Variants in TMEM132C observed in about 807,000 individuals in gnomAD.
The protein encoded by TMEM132C is protein phosphatase 1, regulatory subunit 152.
Under a neutral mutation model 61.4 loss-of-function variants are expected in TMEM132C, and 29 were observed. That is an observed-to-expected ratio of 0.47 (90% CI 0.35 to 0.64). TMEM132C has a LOEUF of 0.64. TMEM132C is among the 30% of genes least tolerant of loss of function. The pLI, the probability that TMEM132C is intolerant of heterozygous loss-of-function variation, is 0.00. For synonymous variants in TMEM132C, 656 were observed against 633.1 expected (o/e 1.04, Z -0.54); for missense variants, 1,408 against 1,476.9 (o/e 0.95, Z 0.76).
chr12:128,550,306 C>CT (rs542256385), intron 3 of TMEM132C, among the ~76,000 whole-genome samples: 3,477 of 142,950 alleles, frequency 0.024, 128 homozygotes, highest in African/African-American at 0.079. Context: ...GGTGTCTTGT[C>CT]TTTTTTTTTT....
intron 3 of TMEM132C, 93 bp downstream of exon 3, chr12:128,544,196 C>T (rs1180754284): frequency 8.5e-6 from 12 of 1,418,940 alleles, no homozygotes; most frequent in Middle Eastern, 5.1e-4. Flanking sequence ...CTCGCGTGAG[C>T]GGCTGCTCAG....
At chr12:128,317,406 G>A (rs1213165649) in intron 1 of TMEM132C, among the ~76,000 whole-genome samples, 2 of 152,224 alleles carry the variant, frequency 1.3e-5, no homozygotes, top group Non-Finnish European at 2.9e-5. Flanking sequence ...TCAAATACCA[G>A]ATGATGAAAC....
chr12:128,641,795 T>C (rs1354452933), intron 4 of TMEM132C, among the ~76,000 whole-genome samples: 1 of 152,184 alleles, frequency 6.6e-6, no homozygotes, highest in Non-Finnish European at 1.5e-5. Flanking sequence ...GTTTTTATTT[T>C]TTAAGTTTTT....
At chr12:128,445,168 T>A (rs1020314121) in intron 2 of TMEM132C, among the ~76,000 whole-genome samples, 1 of 149,274 alleles carries the variant, frequency 6.7e-6, no homozygotes, top group Non-Finnish European at 1.5e-5. Context: ...ACTTTTTTTC[T>A]TTTGCATAGA....
chr12:128,607,053 A>G (rs1257290474), intron 3 of TMEM132C, among the ~76,000 whole-genome samples: 1 of 152,160 alleles, frequency 6.6e-6, no homozygotes, highest in Non-Finnish European at 1.5e-5. Flanking sequence ...AGAAAAGGCC[A>G]GAAGTAGAAG....
intron 3 of TMEM132C, among the ~76,000 whole-genome samples, chr12:128,600,572 AC>A (rs1277779222): frequency 6.6e-6 from 1 of 152,158 alleles, no homozygotes; most frequent in African/African-American, 2.4e-5. Context: ...CTTGGGAAAC[AC>A]CTTTGCAGCT....
In TMEM132C at chr12:128,305,043, G is replaced by A. The variant is rs1871722152; in HGVS notation, c.85+37556G>A. ...CCTGTTGGGGAGAGATAGAAAATGGGGCTACTCTCATCCCTTCTTTCCATC... is the reference window on the plus strand; with the variant it reads ...CCTGTTGGGGAGAGATAGAAAATGGAGCTACTCTCATCCCTTCTTTCCATC... On this transcript the variant is annotated intron_variant, in intron 1 of 8. Transcript: ENST00000435159. Among the ~76,000 whole-genome samples, 3 of 151,928 alleles carry A rather than the reference G, an allele frequency of 2.0e-5. No homozygotes were observed. In the South Asian group the frequency reaches 6.2e-4, roughly 32 times the overall value.
intron 2 of TMEM132C, among the ~76,000 whole-genome samples, chr12:128,515,691 T>C (rs968335550): frequency 2.6e-5 from 4 of 152,052 alleles, no homozygotes. Context: ...AAAAATTAGC[T>C]GGGCATGGTG....
At chr12:128,505,575 G>T (rs942998827) in intron 2 of TMEM132C, among the ~76,000 whole-genome samples, 3 of 152,180 alleles carry the variant, frequency 2.0e-5, no homozygotes, top group Non-Finnish European at 2.9e-5. Context: ...ATATTATAGG[G>T]CTGTTGTAAA....
chr12:128,440,154 T>G (rs533788798), intron 2 of TMEM132C, among the ~76,000 whole-genome samples: 3 of 152,238 alleles, frequency 2.0e-5, no homozygotes, highest in African/African-American at 7.2e-5. Flanking sequence ...TTCTCCTGTC[T>G]GGGGCTATCC....
intron 2 of TMEM132C, among the ~76,000 whole-genome samples, chr12:128,447,754 CT>C (rs1225985457): frequency 4.3e-5 from 3 of 70,498 alleles, no homozygotes; most frequent in African/African-American, 2.5e-4. Flanking sequence ...GAGTCTCGCT[CT>C]GTCGCCCAGG....
chr12:128,499,342 G>T (rs773438517), intron 2 of TMEM132C, among the ~76,000 whole-genome samples: 1 of 152,140 alleles, frequency 6.6e-6, no homozygotes, highest in South Asian at 2.1e-4. Flanking sequence ...CATACAGTGT[G>T]TAATGATCAA....
At position 128,693,512 on chromosome 12, in the gene TMEM132C, TC is replaced by T. The variant is rs1421465547; in HGVS notation, c.1450-315del. Among the ~76,000 whole-genome samples, 3 of 152,280 alleles carry T rather than the reference TC, an allele frequency of 2.0e-5. No homozygotes were observed. The East Asian group carries it at 5.8e-4, about 29-fold the overall frequency. On this transcript the variant is annotated intron_variant, in intron 5 of 8. Coordinates refer to ENST00000435159, the MANE Select transcript of TMEM132C (RefSeq NM_001136103.3). ...AGCTAAAAATATTCCCTCCTCTTAC[TC>T]CTCAAGTGGACAATTCTAGATACTT...
intron 1 of TMEM132C, among the ~76,000 whole-genome samples, chr12:128,267,884 C>T (rs533351790): frequency 2.0e-5 from 3 of 152,340 alleles, no homozygotes; most frequent in Admixed American, 6.5e-5. Flanking sequence ...TCTGTGCGCT[C>T]CTTCCTCCCG....
intron 5 of TMEM132C, among the ~76,000 whole-genome samples, chr12:128,689,524 T>C (rs7975595): frequency 0.26 from 38,991 of 152,020 alleles, 5,080 homozygotes; most frequent in Middle Eastern, 0.36. Context: ...TTTGATTTTC[T>C]TGTATCTGAA....
At chr12:128,464,762 C>CAGAA (rs35359461) in intron 2 of TMEM132C, among the ~76,000 whole-genome samples, 4,957 of 127,846 alleles carry the variant, frequency 0.039, 320 homozygotes, top group African/African-American at 0.14. Context: ...AAGACCCTGT[C>CAGAA]AGAAAGAAAG....
chr12:128,477,004 T>A (rs1467179587), intron 2 of TMEM132C, among the ~76,000 whole-genome samples: 2 of 152,204 alleles, frequency 1.3e-5, no homozygotes, highest in Non-Finnish European at 2.9e-5. Flanking sequence ...TCCAGAAAAA[T>A]TAGCTTTCTG....
At chr12:128,609,182 T>C (rs1876534944) in intron 3 of TMEM132C, among the ~76,000 whole-genome samples, 1 of 31,596 alleles carries the variant, frequency 3.2e-5, no homozygotes, top group African/African-American at 1.1e-4. Flanking sequence ...CCCACCTCCC[T>C]GCAACCCTGT....
At chr12:128,511,642 G>A (rs1807883478) in intron 2 of TMEM132C, among the ~76,000 whole-genome samples, 1 of 152,208 alleles carries the variant, frequency 6.6e-6, no homozygotes, top group Admixed American at 6.5e-5. Context: ...ATTACAACGA[G>A]ATGCTCACCT....
Sources: allele counts gnomAD v4.1 joint callset (sites outside exome capture counted in the v4.1 genomes callset), GRCh38; gene constraint gnomAD v4.1.1; transcripts MANE v1.5; gene names NCBI Gene and HGNC (gene_info 2026-07-23, HGNC 2026-07-21).